Variants in FRMD4B observed in about 807,000 individuals in gnomAD.
FRMD4B encodes FERM domain-containing protein 4B.
Under a neutral mutation model 141.5 loss-of-function variants are expected in FRMD4B, and 74 were observed. The observed-to-expected ratio is 0.52, with a 90% confidence interval of 0.43 to 0.63. The LOEUF (loss-of-function observed/expected upper bound fraction) is 0.63, where lower values mean the gene tolerates loss of function less well. FRMD4B is among the 30% of genes least tolerant of loss of function. FRMD4B has a pLI of 0.00. For missense variants in FRMD4B, 1,366 were observed against 1,253.4 expected (o/e 1.09, Z -1.36); for synonymous variants, 506 against 467.9 (o/e 1.08, Z -1.05).
At chr3:69,396,953 T>G (rs766211436) in intron 2 of FRMD4B, among the ~76,000 whole-genome samples, 19 of 152,178 alleles carry the variant, frequency 1.2e-4, no homozygotes, top group Admixed American at 2.6e-4. Context: ...ATAAACAGAT[T>G]TTTAAAATGT....
chr3:69,435,698 C>A (rs894138226), intron 1 of FRMD4B, among the ~76,000 whole-genome samples: 1 of 152,146 alleles, frequency 6.6e-6, no homozygotes, highest in Admixed American at 6.5e-5. Flanking sequence ...GGTTTCTTTA[C>A]AGTAGGGCTT....
At chr3:69,514,639 G>A (rs1294722511) in intron 1 of FRMD4B, among the ~76,000 whole-genome samples, 1 of 151,972 alleles carries the variant, frequency 6.6e-6, no homozygotes, top group Non-Finnish European at 1.5e-5. Context: ...AGTGAGCTGA[G>A]ATCATGCCAT....
chr3:69,367,379 C>T (rs149987882), intron 1 of FRMD4B, among the ~76,000 whole-genome samples: 5 of 152,218 alleles, frequency 3.3e-5, no homozygotes, highest in African/African-American at 7.2e-5. Context: ...CATGTCCAGC[C>T]CCATCCCTCC....
At chr3:69,522,073 T>A (rs935271488) in intron 1 of FRMD4B, among the ~76,000 whole-genome samples, 4 of 152,182 alleles carry the variant, frequency 2.6e-5, no homozygotes, top group African/African-American at 9.7e-5. Flanking sequence ...CTAAGACATG[T>A]TCTGACTCAG....
chr3:69,318,794 T>C (rs898859028), intron 1 of FRMD4B, among the ~76,000 whole-genome samples: 1 of 152,208 alleles, frequency 6.6e-6, no homozygotes, highest in African/African-American at 2.4e-5. Context: ...AAAATCCAGA[T>C]TGACAGCTTC....
rs771869608 is a variant in FRMD4B, at chr3:69,353,496, C to G, written c.162+32332G>C. 8 of 809,974 alleles carry G rather than the reference C, an allele frequency of 9.9e-6. No homozygotes were observed. The Admixed American group carries it at 2.5e-4, about 25-fold the overall frequency. 50.2% of individuals were successfully genotyped at this position (809,974 alleles called of 1,614,324 possible). A position where few individuals can be genotyped will look rare whatever the true frequency, so the allele number is the denominator to read the frequency against. On this transcript the variant is annotated intron_variant, in intron 1 of 22. Transcript: ENST00000398540. ...ATGCCAGTCAAAGCTGAAGAAGCAC[C>G]GTTACACAGTCTGCAACTGGAAGAT...
chr3:69,314,152 A>AC, intron 1 of FRMD4B, among the ~76,000 whole-genome samples: 6 of 126,902 alleles, frequency 4.7e-5, no homozygotes, highest in South Asian at 2.7e-4. Context: ...AAAAAAAAAA[A>AC]AAAAAAAAAA....
chr3:69,195,058 C>T lies in FRMD4B; in HGVS notation c.1452G>A (p.Ala484=), dbSNP rs535269952. 18 of 1,613,816 alleles carry T rather than the reference C, an allele frequency of 1.1e-5. No individual in the cohort carries two copies. The highest frequency in any genetic ancestry group is 8.9e-5 in the East Asian group (4 of 44,886). ...GCAGCAAGTTGTCATCTAATTTGAACGCAGTACCCACACGTCTTCTGACCT... is the reference window on the plus strand; with the variant it reads ...GCAGCAAGTTGTCATCTAATTTGAATGCAGTACCCACACGTCTTCTGACCT... The part of the protein sequence containing the change: ...PPQVRRRVGT[A]FKLDDNLLPS... The change falls in exon 16 of 23, where the codon GCG becomes GCA. Residue 484 remains alanine, a synonymous_variant. Transcript: ENST00000398540.
chr3:69,366,386 T>TA (rs1293316145), intron 1 of FRMD4B, among the ~76,000 whole-genome samples: 1 of 152,192 alleles, frequency 6.6e-6, no homozygotes, highest in Non-Finnish European at 1.5e-5. Flanking sequence ...CAACACTTAT[T>TA]AAAAATAATG....
At chr3:69,524,879 A>T (rs1656688266) in intron 1 of FRMD4B, among the ~76,000 whole-genome samples, 1 of 152,220 alleles carries the variant, frequency 6.6e-6, no homozygotes, top group Non-Finnish European at 1.5e-5. Flanking sequence ...GGTGTGGGTT[A>T]TTCCTAAAAG....
intron 2 of FRMD4B, among the ~76,000 whole-genome samples, chr3:69,409,177 G>A (rs1045527972): frequency 5.9e-5 from 9 of 152,130 alleles, no homozygotes; most frequent in African/African-American, 2.2e-4. Context: ...GCACTTCTTT[G>A]TGCTGAATGT....
At chr3:69,486,055 T>G (rs140913014) in intron 1 of FRMD4B, among the ~76,000 whole-genome samples, 2 of 152,344 alleles carry the variant, frequency 1.3e-5, no homozygotes, top group East Asian at 3.9e-4. Flanking sequence ...CACATACACA[T>G]ATATTGGCTA....
chr3:69,458,118 A>G lies in FRMD4B; in HGVS notation c.-128-25357T>C, dbSNP rs151327704. ...CCTGTTTCAGGTTCTGCTTTGGAGG[A>G]ACTCACACTAAAAGAGTTTGTAAGC... On this transcript the variant is annotated intron_variant, in intron 1 of 5. Coordinates refer to the FRMD4B transcript ENST00000459638. Among the ~76,000 whole-genome samples, 728 of 152,304 alleles carry G rather than the reference A, an allele frequency of 4.8e-3. 8 individuals are homozygous for G. The highest frequency in any genetic ancestry group is 0.016 in the African/African-American group (672 of 41,562).
intron 11 of FRMD4B, among the ~76,000 whole-genome samples, chr3:69,207,491 T>C (rs1269035168): frequency 2.6e-5 from 4 of 152,040 alleles, no homozygotes; most frequent in Admixed American, 6.6e-5. Flanking sequence ...ATGTGGTAAA[T>C]GCTTAGACAT....
chr3:69,478,156 C>A (rs1451626024), intron 1 of FRMD4B, among the ~76,000 whole-genome samples: 1 of 152,172 alleles, frequency 6.6e-6, no homozygotes, highest in Admixed American at 6.5e-5. Context: ...AAAAAACCAG[C>A]TCCTGGATTT....
Position 69,247,741 on chromosome 3 carries a change from C to A in FRMD4B, c.581+1485G>T, listed in dbSNP as rs553392532. Reference sequence around the variant, plus strand: ...TCGGCTCACTGCAAGCTCCACCTCCCGGGTTCACGCCATTCTCCTGCCACA... The same window carrying A: ...TCGGCTCACTGCAAGCTCCACCTCCAGGGTTCACGCCATTCTCCTGCCACA... On this transcript the variant is annotated intron_variant, in intron 7 of 22. Transcript: ENST00000398540. 4.5e-4 allele frequency among the ~76,000 whole-genome samples: 69 copies of A among 152,294 alleles called. 1 individual carries two copies. In the East Asian group the frequency reaches 9.3e-3, roughly 20 times the overall value.
intron 1 of FRMD4B, among the ~76,000 whole-genome samples, chr3:69,444,830 CT>C (rs931752792): frequency 4.6e-5 from 7 of 152,110 alleles, no homozygotes; most frequent in Non-Finnish European, 1.0e-4. Flanking sequence ...AATTTTCAAA[CT>C]TGTTTTAATA....
At chr3:69,353,089 A>AT (rs1341630320) in intron 1 of FRMD4B, among the ~76,000 whole-genome samples, 9 of 95,600 alleles carry the variant, frequency 9.4e-5, no homozygotes, top group South Asian at 9.3e-4. Context: ...AGTATTTAAA[A>AT]TTTAAAAAAA....
chr3:69,344,789 T>A (rs1702874629), intron 1 of FRMD4B, among the ~76,000 whole-genome samples: 2 of 152,086 alleles, frequency 1.3e-5, no homozygotes, highest in African/African-American at 4.8e-5. Flanking sequence ...CCTGAAAGAA[T>A]AAGTACAACG....
Sources: gnomAD v4.1 joint callset for allele counts (sites outside exome capture counted in the v4.1 genomes callset) on GRCh38, gnomAD v4.1.1 for gene constraint, MANE v1.5 for transcripts, NCBI Gene and HGNC (gene_info 2026-07-23, HGNC 2026-07-21) for gene names.